Variants in RNF17 observed in about 807,000 individuals in gnomAD.
The protein encoded by RNF17 is ring finger protein 17.
RNF17 carries 31 observed loss-of-function variants against 200.5 expected under a neutral mutation model. That is an observed-to-expected ratio of 0.15 (90% CI 0.12 to 0.21). The LOEUF (loss-of-function observed/expected upper bound fraction) is 0.21. RNF17 is among the 10% of genes least tolerant of loss of function. RNF17 has a pLI of 1.00. For synonymous variants in RNF17, 606 were observed against 637.8 expected (o/e 0.95, Z 0.75); for missense variants, 1,628 against 1,905.1 (o/e 0.85, Z 2.71).
intron 15 of RNF17, among the ~76,000 whole-genome samples, chr13:24,805,452 A>G (rs1339646855): frequency 6.6e-6 from 1 of 152,150 alleles, no homozygotes; most frequent in African/African-American, 2.4e-5. Context: ...ATCATATACA[A>G]TGTTTCCTTT....
chr13:24,786,950 A>G (rs1475097380), intron 6 of RNF17, among the ~76,000 whole-genome samples: 2 of 152,020 alleles, frequency 1.3e-5, no homozygotes, highest in Admixed American at 1.3e-4. Context: ...TAATGCATAC[A>G]TTAGTCTGCT....
chr13:24,849,051 G>T (rs1891559376), intron 22 of RNF17, among the ~76,000 whole-genome samples: 1 of 152,168 alleles, frequency 6.6e-6, no homozygotes, highest in Non-Finnish European at 1.5e-5. Flanking sequence ...GAAGCTGAGT[G>T]TGGTGGCATA....
chr13:24,780,210 A>G (rs1593232575), intron 5 of RNF17, among the ~76,000 whole-genome samples: 1 of 152,296 alleles, frequency 6.6e-6, no homozygotes, highest in East Asian at 1.9e-4. Flanking sequence ...GCTTTTTTGC[A>G]TAGAAGGACA....
intron 5 of RNF17, among the ~76,000 whole-genome samples, chr13:24,780,107 C>T (rs568522869): frequency 6.6e-6 from 1 of 152,240 alleles, no homozygotes; most frequent in South Asian, 2.1e-4. Flanking sequence ...AAGAGACTCT[C>T]TCATTTGGTG....
downstream of RNF17, chr13:24,883,921 G>A (rs1241148043): frequency 2.5e-6 from 4 of 1,613,064 alleles, no homozygotes; most frequent in Admixed American, 1.7e-5. Context: ...ATGAACAGGT[G>A]TCACACTGAG....
Position 24,851,531 on chromosome 13 carries a change from A to G in RNF17, c.3280A>G (p.Lys1094Glu), listed in dbSNP as rs1359071281. ...AAAAGGAGAGCGTGTTGATGTTTCT[A>G]AATATTTGATTAAAAAGGGTTTGGC... The part of the protein sequence containing the change: ...DEKGERVDVS[K>E]YLIKKGLALR... The change falls in exon 24 of 36, where the codon AAA becomes GAA. Residue 1094 changes from lysine (K) to glutamate (E), a missense_variant. Transcript: ENST00000255324. The G allele has an allele frequency of 6.2e-7, 1 of 1,613,352 alleles. No homozygotes were observed. Among genetic ancestry groups the G allele is most frequent in the African/African-American group, 1.3e-5 (1 of 74,906 alleles).
At chr13:24,762,933 G>T (rs1878918213), upstream of RNF17, among the ~76,000 whole-genome samples, 2 of 152,142 alleles carry the variant, frequency 1.3e-5, no homozygotes, top group Admixed American at 1.3e-4. Flanking sequence ...TTACTTTAAG[G>T]AAACTCATAC....
rs1471453921 is a variant in RNF17 at position 24,793,156 on chromosome 13, G to A, written c.1050G>A (p.Met350Ile). The A allele has an allele frequency of 1.9e-6, 3 of 1,613,942 alleles. No individual in the cohort carries two copies. The highest frequency in any genetic ancestry group is 2.2e-5 in the East Asian group (1 of 44,878). Residue 350 changes from methionine to isoleucine, a missense_variant, in exon 10 of 36, where the codon ATG becomes ATA. Around this residue, in one of 5 missense-constraint regions of RNF17, gnomAD observed 502 missense variants for 501.7 expected, o/e 1.00. Coordinates refer to ENST00000255324, the MANE Select transcript of RNF17 (RefSeq NM_031277.3). ...YPPLEKKKVD[M>I]SVLTSEAPPP... ...CGCTAGAAAAGAAAAAGGTTGACAT[G>A]TCTGTCCTAACCAGTGAAGCACCAC... is the stretch of plus-strand genomic sequence containing the variant.
the RNF17 span, among the ~76,000 whole-genome samples, chr13:24,887,463 T>G: frequency 1.3e-5 from 2 of 152,274 alleles, no homozygotes; most frequent in African/African-American, 4.8e-5. Flanking sequence ...TGGCATTAGA[T>G]TCTCATAGGA....
chr13:24,839,686 AGAAT>A (rs1370115580), intron 18 of RNF17, among the ~76,000 whole-genome samples: 3 of 152,222 alleles, frequency 2.0e-5, no homozygotes, highest in African/African-American at 7.2e-5. Flanking sequence ...CACAGGTAAG[AGAAT>A]GAAACTGGAT....
chr13:24,789,831 A>G, intron 9 of RNF17, 59 bp downstream of exon 9: 1 of 923,510 alleles, frequency 1.1e-6, no homozygotes, highest in Non-Finnish European at 1.8e-6. Flanking sequence ...TACATTATCT[A>G]AGAGACAGAA....
At chr13:24,798,890 A>G (rs9507412) in intron 11 of RNF17, among the ~76,000 whole-genome samples, 35,048 of 152,002 alleles carry the variant, frequency 0.23, 4,518 homozygotes, top group Non-Finnish European at 0.29. Context: ...CTGGGTGCCA[A>G]TAATTTTGGC....
At chr13:24,788,309 A>T in intron 7 of RNF17, 150 bp downstream of exon 7, 1 of 492,240 alleles carries the variant, frequency 2.0e-6, no homozygotes, top group South Asian at 4.3e-5. Flanking sequence ...AGGTTAGGAT[A>T]GTCTAAGTTA....
chr13:24,825,249 C>T (rs1160201527), intron 15 of RNF17, among the ~76,000 whole-genome samples: 2 of 151,968 alleles, frequency 1.3e-5, no homozygotes, highest in Non-Finnish European at 2.9e-5. Context: ...GCTAGAAATA[C>T]TAGTAGGAAC....
At position 24,774,812 on chromosome 13, in the gene RNF17, G is replaced by T; in HGVS notation, c.226-1G>T. Reference sequence around the variant, plus strand: ...TTTTTTAAACCTTATTTTGTCCTAAGGTTGCTACAGCTGTAAATACTAGAC... The same window carrying T: ...TTTTTTAAACCTTATTTTGTCCTAATGTTGCTACAGCTGTAAATACTAGAC... On this transcript the variant is annotated splice_acceptor_variant, in intron 2 of 35. Coordinates refer to ENST00000255324, the MANE Select transcript of RNF17 (RefSeq NM_031277.3). LOFTEE classifies it high-confidence loss of function. 6.3e-7 allele frequency: 1 copy of T among 1,599,926 alleles called. No homozygotes were observed.
chr13:24,875,556 A>G lies in RNF17; in HGVS notation c.4583+1307A>G, dbSNP rs145301733. Among the ~76,000 whole-genome samples, 85 of 152,330 alleles carry G rather than the reference A, an allele frequency of 5.6e-4. No homozygotes were observed. The East Asian group carries it at 0.011, about 20-fold the overall frequency. The stretch of plus-strand genomic sequence containing the variant: ...AAGAGCTGAGCAAACTCTCCACTCA[A>G]TGGGTGCCAAACCTGTTGGACCCAG... On this transcript the variant is annotated intron_variant, in intron 33 of 35. Transcript: ENST00000255324.
intron 7 of RNF17, 46 bp downstream of exon 7, chr13:24,788,205 T>A (rs775520614): frequency 7.2e-7 from 1 of 1,388,020 alleles, no homozygotes; most frequent in South Asian, 1.3e-5. Context: ...GGTAGCTTAT[T>A]TTACATGCTT....
intron 6 of RNF17, among the ~76,000 whole-genome samples, chr13:24,783,731 T>A (rs1467190745): frequency 1.3e-5 from 2 of 152,208 alleles, no homozygotes; most frequent in Non-Finnish European, 2.9e-5. Flanking sequence ...ACTTTTTTGC[T>A]GAATGCATTT....
rs777888152 is a variant in RNF17, at chr13:24,797,705, A to AGTGTGTGTGTGTGTGTGT, written c.1399+1433_1399+1450dup. 5.7e-3 allele frequency among the ~76,000 whole-genome samples: 675 copies of AGTGTGTGTGTGTGTGTGT among 118,998 alleles called. 12 individuals are homozygous for AGTGTGTGTGTGTGTGTGT. Among genetic ancestry groups the AGTGTGTGTGTGTGTGTGT allele is most frequent in the Non-Finnish European group, 8.3e-3 (477 of 57,522 alleles). 78.1% of individuals were successfully genotyped at this position (118,998 alleles called of 152,430 possible). A position where few individuals can be genotyped will look rare whatever the true frequency, so the allele number is the denominator to read the frequency against. ...GAGAGAGAGAGAGAGAGAGACAAAG[A>AGTGTGTGTGTGTGTGTGT]GTGTGTGTGTGTGTGTGTGTGTGTG... is the stretch of plus-strand genomic sequence containing the variant. On this transcript the variant is annotated intron_variant, in intron 11 of 35. Transcript: ENST00000255324.
Sources: allele counts gnomAD v4.1 joint callset (sites outside exome capture counted in the v4.1 genomes callset), GRCh38; gene constraint gnomAD v4.1.1; regional missense constraint gnomAD v4.1.1; transcripts MANE v1.5; gene names NCBI Gene and HGNC (gene_info 2026-07-23, HGNC 2026-07-21).